The following EFCAB5 variants were observed in gnomAD, a reference collection of about 807,000 sequenced individuals.
The protein encoded by EFCAB5 is EF-hand calcium binding domain 5, also known as EF-hand calcium-binding domain-containing protein 5.
In EFCAB5, 131 loss-of-function variants were observed where a neutral mutation model predicts 167.9. That is an observed-to-expected ratio of 0.78 (90% CI 0.68 to 0.90). The LOEUF is 0.90. Among genes scored for constraint, EFCAB5 ranks in the 40% least tolerant of loss-of-function variants. The pLI, the probability that EFCAB5 is intolerant of heterozygous loss-of-function variation, is 0.00. For synonymous variants in EFCAB5, 574 were observed against 602.8 expected (o/e 0.95, Z 0.70); for missense variants, 1,663 against 1,745.2 (o/e 0.95, Z 0.84).
At chr17:30,091,461 T>C (rs1232491355) in intron 20 of EFCAB5, among the ~76,000 whole-genome samples, 1 of 152,250 alleles carries the variant, frequency 6.6e-6, no homozygotes, top group Non-Finnish European at 1.5e-5. Context: ...GTGTTCACTA[T>C]GTGTAACGCC....
intron 14 of EFCAB5, chr17:30,069,012 G>A (rs1227405705): frequency 3.5e-6 from 5 of 1,417,036 alleles, no homozygotes; most frequent in East Asian, 2.3e-5. Flanking sequence ...AGCAAGTGAA[G>A]GAGCACAGGA....
intron 18 of EFCAB5, among the ~76,000 whole-genome samples, chr17:30,083,782 T>A (rs1324614427): frequency 6.6e-6 from 1 of 152,164 alleles, no homozygotes; most frequent in African/African-American, 2.4e-5. Context: ...TATCCTGAGA[T>A]ACATACCCCT....
At chr17:30,032,468 C>T (rs535563418) in intron 7 of EFCAB5, among the ~76,000 whole-genome samples, 1 of 152,278 alleles carries the variant, frequency 6.6e-6, no homozygotes, top group East Asian at 1.9e-4. Context: ...ACAAGAAGGG[C>T]ATTCTAATCT....
intron 14 of EFCAB5, among the ~76,000 whole-genome samples, chr17:30,063,855 G>C (rs2070490675): frequency 6.6e-6 from 1 of 152,176 alleles, no homozygotes; most frequent in African/African-American, 2.4e-5. Flanking sequence ...TGCTGCTGCT[G>C]CCACAAACTT....
intron 22 of EFCAB5, 23 bp downstream of exon 22, chr17:30,092,959 C>T (rs912730680): frequency 5.8e-6 from 9 of 1,544,918 alleles, no homozygotes; most frequent in Non-Finnish European, 7.1e-6. Context: ...TTAATTACAG[C>T]CTAAATCTAT....
chr17:30,026,960 C>CTTTTT, intron 7 of EFCAB5, among the ~76,000 whole-genome samples: 2 of 102,128 alleles, frequency 2.0e-5, no homozygotes, highest in Middle Eastern at 6.3e-3. Flanking sequence ...CCTCCTTGTA[C>CTTTTT]CTTTTTTTTT....
intron 14 of EFCAB5, chr17:30,069,060 A>AG: frequency 7.1e-7 from 1 of 1,413,264 alleles, no homozygotes; most frequent in Non-Finnish European, 1.0e-6. Flanking sequence ...ACTTAAAAAA[A>AG]GTGTGTAAAC....
intron 7 of EFCAB5, among the ~76,000 whole-genome samples, chr17:30,019,844 A>G (rs1169155906): frequency 6.6e-6 from 1 of 152,136 alleles, no homozygotes; most frequent in Non-Finnish European, 1.5e-5. Flanking sequence ...TTCTTCATCT[A>G]TTATTCAGCG....
chr17:29,987,125 T>A (rs1487701744), intron 4 of EFCAB5, among the ~76,000 whole-genome samples: 1 of 152,202 alleles, frequency 6.6e-6, no homozygotes, highest in African/African-American at 2.4e-5. Context: ...ACCACTATCA[T>A]AGCTATCATT....
chr17:30,092,046 G>A lies in EFCAB5; in HGVS notation c.4113G>A (p.Glu1371=), dbSNP rs1162528746. 3.1e-6 allele frequency: 5 copies of A among 1,613,864 alleles called. No individual in the cohort carries two copies. The highest frequency in any genetic ancestry group is 3.4e-6 in the Non-Finnish European group (4 of 1,179,890). The change falls in exon 21 of 23, where the codon GAG becomes GAA. Residue 1371 remains glutamate (E), a synonymous_variant. Coordinates refer to ENST00000394835, the MANE Select transcript of EFCAB5 (RefSeq NM_198529.4). ...CTCCTCAAGACAGCAAATCTATGGA[G>A]TTGGAAGCCAACGTGAAACTAGTGC... ...PNSPQDSKSM[E]LEANVKLVRD...
chr17:29,986,109 G>A lies in EFCAB5; in HGVS notation c.768-7056G>A, dbSNP rs145413078. 6.4e-3 allele frequency among the ~76,000 whole-genome samples: 971 copies of A among 152,250 alleles called. 5 individuals carry two copies. The highest frequency in any genetic ancestry group is 0.022 in the African/African-American group (925 of 41,540). Reference sequence around the variant, plus strand: ...TAATCCATCTGTAGCTCCTTCAAGCGCTCCAGTTCCTGGCATTAAGGTCAG... The same window carrying A: ...TAATCCATCTGTAGCTCCTTCAAGCACTCCAGTTCCTGGCATTAAGGTCAG... On this transcript the variant is annotated intron_variant, in intron 4 of 22. Coordinates refer to ENST00000394835, the MANE Select transcript of EFCAB5 (RefSeq NM_198529.4).
At chr17:30,041,814 C>T (rs374701532) in intron 8 of EFCAB5, among the ~76,000 whole-genome samples, 6 of 152,188 alleles carry the variant, frequency 3.9e-5, no homozygotes, top group African/African-American at 1.4e-4. Flanking sequence ...CAGTAGCCAA[C>T]AACATTAAGG....
intron 7 of EFCAB5, among the ~76,000 whole-genome samples, chr17:30,026,451 T>A (rs2069325806): frequency 6.6e-6 from 1 of 152,182 alleles, no homozygotes; most frequent in South Asian, 2.1e-4. Flanking sequence ...TGACAGAGGA[T>A]CTACTCTTTC....
intron 3 of EFCAB5, among the ~76,000 whole-genome samples, chr17:29,955,183 G>A (rs1431818548): frequency 6.6e-6 from 1 of 152,160 alleles, no homozygotes; most frequent in Non-Finnish European, 1.5e-5. Flanking sequence ...GGGACTGTTG[G>A]AAAGGGATGA....
intron 7 of EFCAB5, among the ~76,000 whole-genome samples, chr17:30,028,233 G>C (rs1226134663): frequency 6.6e-6 from 1 of 152,164 alleles, no homozygotes; most frequent in Non-Finnish European, 1.5e-5. Context: ...GTGGCTCCAA[G>C]TTTAAATTTT....
chr17:30,063,086 G>T (rs2070468664), intron 14 of EFCAB5, among the ~76,000 whole-genome samples: 1 of 152,124 alleles, frequency 6.6e-6, no homozygotes, highest in Non-Finnish European at 1.5e-5. Flanking sequence ...CTGAGCTAAG[G>T]AACTCTGCCC....
At chr17:29,934,656 A>G (rs1256035000) in intron 1 of EFCAB5, among the ~76,000 whole-genome samples, 3 of 152,174 alleles carry the variant, frequency 2.0e-5, no homozygotes, top group African/African-American at 4.8e-5. Flanking sequence ...AGTGTTTACA[A>G]TAGGCAGCAG....
At chr17:30,100,355 G>A (rs1365204779) in intron 22 of EFCAB5, among the ~76,000 whole-genome samples, 1 of 152,144 alleles carries the variant, frequency 6.6e-6, no homozygotes, top group Non-Finnish European at 1.5e-5. Flanking sequence ...ATACACTATG[G>A]TAGAAAATAA....
chr17:30,073,823 G>A, intron 14 of EFCAB5: 1 of 449,806 alleles, frequency 2.2e-6, no homozygotes, highest in South Asian at 4.7e-5. Context: ...CTACTCAAGA[G>A]GCAGAGGCAG....
Sources: gnomAD v4.1 joint callset for allele counts (sites outside exome capture counted in the v4.1 genomes callset) on GRCh38, gnomAD v4.1.1 for gene constraint, MANE v1.5 for transcripts, NCBI Gene and HGNC (gene_info 2026-07-23, HGNC 2026-07-21) for gene names.